The following LAMA2 variants were observed in gnomAD, a reference collection of about 807,000 sequenced individuals.
The protein encoded by LAMA2 is laminin subunit alpha 2, also known as laminin subunit alpha-2.
Under a neutral mutation model 364.8 loss-of-function variants are expected in LAMA2, and 269 were observed. The ratio of observed to expected loss-of-function variants is 0.74; its 90% confidence interval spans 0.67 to 0.82. The LOEUF (loss-of-function observed/expected upper bound fraction) is 0.82, where lower values mean the gene tolerates loss of function less well. Ranked by LOEUF, LAMA2 falls within the 40% of genes least tolerant of loss-of-function variation. The pLI is 0.00. For missense variants in LAMA2, 3,807 were observed against 3,873.2 expected (o/e 0.98, Z 0.45); for synonymous variants, 1,379 against 1,370.6 (o/e 1.01, Z -0.14).
chr6:128,926,289 A>G (rs1281355084), intron 1 of LAMA2, among the ~76,000 whole-genome samples: 1 of 152,088 alleles, frequency 6.6e-6, no homozygotes, highest in Non-Finnish European at 1.5e-5. Context: ...CATGGTGGCA[A>G]TAGAGGTTAG....
chr6:129,494,190 G>A (rs1216342844), intron 58 of LAMA2, among the ~76,000 whole-genome samples: 1 of 152,100 alleles, frequency 6.6e-6, no homozygotes, highest in Non-Finnish European at 1.5e-5. Context: ...ACCAGTAATG[G>A]GTGGGCAATG....
At chr6:129,301,098 G>A (rs900383264) in intron 22 of LAMA2, among the ~76,000 whole-genome samples, 3 of 151,968 alleles carry the variant, frequency 2.0e-5, no homozygotes, top group Non-Finnish European at 4.4e-5. Context: ...TACAAGAGGG[G>A]TAAAAAGAAC....
intron 1 of LAMA2, among the ~76,000 whole-genome samples, chr6:129,040,144 T>C (rs1367125187): frequency 6.6e-6 from 1 of 152,196 alleles, no homozygotes; most frequent in Non-Finnish European, 1.5e-5. Context: ...CATTTTCTGG[T>C]TTCTGTGGAG....
At chr6:128,988,238 C>T (rs754780530) in intron 1 of LAMA2, among the ~76,000 whole-genome samples, 47 of 152,144 alleles carry the variant, frequency 3.1e-4, no homozygotes, top group African/African-American at 6.0e-4. Flanking sequence ...AGTTATTTGA[C>T]GAGAACATAC....
At chr6:129,353,549 C>A (rs181560443) in intron 32 of LAMA2, among the ~76,000 whole-genome samples, 192 bp downstream of exon 32, 2 of 151,786 alleles carry the variant, frequency 1.3e-5, no homozygotes, top group East Asian at 3.9e-4. Flanking sequence ...TCCTGCTGAG[C>A]CAAGAACAGC....
chr6:129,274,120 CTTTTACATTTAAAACAA>C (rs146235379), intron 17 of LAMA2, among the ~76,000 whole-genome samples: 146,748 of 148,504 alleles, frequency 0.99, 72,544 homozygotes, highest in Middle Eastern at 1. Flanking sequence ...GTTATAATGT[CTTTTACATTTAAAACAA>C]TTTTACATTT....
rs1787076135 is a variant in LAMA2 at position 129,516,332 on chromosome 6, A to G, written c.9354A>G (p.Ser3118=). 1 of 1,614,082 alleles carries G rather than the reference A, an allele frequency of 6.2e-7. No individual in the cohort carries two copies. The highest frequency in any genetic ancestry group is 1.1e-5 in the South Asian group (1 of 91,086). ...AACTGAGGGGCGTTCAACCTGTATC[A>G]TGCCCAGCCAACTAATAAAAATAAG... ...ALELRGVQPV[S]CPAN is the part of the protein sequence containing the mutation. The change falls in exon 65 of 65, where the codon TCA becomes TCG. Residue 3118 remains serine, a synonymous_variant. Coordinates refer to ENST00000421865, the MANE Select transcript of LAMA2 (RefSeq NM_000426.4).
intron 1 of LAMA2, among the ~76,000 whole-genome samples, chr6:128,931,270 A>G (rs536926783): frequency 6.6e-6 from 1 of 152,300 alleles, no homozygotes; most frequent in East Asian, 1.9e-4. Flanking sequence ...TTCCCAAATG[A>G]TTTTGAGTCT....
intron 4 of LAMA2, among the ~76,000 whole-genome samples, chr6:129,142,088 T>A (rs2114955876): frequency 6.6e-6 from 1 of 152,194 alleles, no homozygotes; most frequent in African/African-American, 2.4e-5. Context: ...ATTATGCAGA[T>A]ATACAATTTA....
Position 129,481,334 on chromosome 6 carries a change from A to T in LAMA2, c.7644A>T (p.Thr2548=), listed in dbSNP as rs776393787. 8.1e-6 allele frequency: 13 copies of T among 1,613,852 alleles called. No homozygotes were observed. The highest frequency in any genetic ancestry group is 1.3e-5 in the African/African-American group (1 of 74,908). ...ELSPVPIDVG[T]EINLSFSTKN... The stretch of plus-strand genomic sequence containing the variant: ...CCCCTGTGCCAATTGATGTAGGAAC[A>T]GAAATCAACCTGTCATTCAGCACCA... The change falls in exon 55 of 65, where the codon ACA becomes ACT. Residue 2548 remains threonine, a synonymous_variant. Transcript: ENST00000421865.
chr6:129,277,445 C>T, intron 17 of LAMA2, among the ~76,000 whole-genome samples: 1 of 152,124 alleles, frequency 6.6e-6, no homozygotes, highest in Middle Eastern at 3.2e-3. Context: ...AGTGAATCTT[C>T]AGTTTATGTT....
intron 1 of LAMA2, among the ~76,000 whole-genome samples, chr6:129,043,298 G>T (rs990852295): frequency 4.8e-4 from 73 of 152,124 alleles, no homozygotes; most frequent in African/African-American, 1.6e-3. Context: ...ACAAACATAT[G>T]CAATGATGTG....
chr6:129,442,580 C>T (rs909127619), intron 43 of LAMA2, among the ~76,000 whole-genome samples: 1 of 151,988 alleles, frequency 6.6e-6, no homozygotes, highest in Non-Finnish European at 1.5e-5. Context: ...CATAGGTAAA[C>T]CTGTGTCATG....
intron 1 of LAMA2, among the ~76,000 whole-genome samples, chr6:129,017,673 A>C (rs1342218148): frequency 6.6e-6 from 1 of 152,106 alleles, no homozygotes; most frequent in African/African-American, 2.4e-5. Flanking sequence ...ACATGGTGAC[A>C]TGGCTGATGA....
At chr6:129,026,779 C>T (rs1042275683) in intron 1 of LAMA2, among the ~76,000 whole-genome samples, 1 of 152,076 alleles carries the variant, frequency 6.6e-6, no homozygotes, top group African/African-American at 2.4e-5. Context: ...TATAGAATAG[C>T]ATCAAATTGA....
chr6:129,106,870 A>AT (rs1238869925), intron 4 of LAMA2, among the ~76,000 whole-genome samples: 22 of 138,364 alleles, frequency 1.6e-4, no homozygotes, highest in Middle Eastern at 3.6e-3. Flanking sequence ...CCAAAAAAAA[A>AT]AAAAAATATA....
At chr6:129,254,361 T>C (rs147016855) in intron 14 of LAMA2, among the ~76,000 whole-genome samples, 27 of 152,350 alleles carry the variant, frequency 1.8e-4, no homozygotes, top group African/African-American at 6.0e-4. Flanking sequence ...AACATAAGTA[T>C]GGCTTTGACC....
intron 54 of LAMA2, among the ~76,000 whole-genome samples, chr6:129,479,137 T>C (rs1784230848): frequency 6.6e-6 from 1 of 152,216 alleles, no homozygotes; most frequent in Non-Finnish European, 1.5e-5. Context: ...ATTTTAAATT[T>C]ATTTTACTTT....
intron 58 of LAMA2, among the ~76,000 whole-genome samples, chr6:129,495,898 A>C (rs905741623): frequency 2.0e-5 from 3 of 151,464 alleles, no homozygotes; most frequent in Non-Finnish European, 2.9e-5. Flanking sequence ...TGTATGTTTT[A>C]ACTTTTCCGA....
Sources: gnomAD v4.1 joint callset for allele counts (sites outside exome capture counted in the v4.1 genomes callset) on GRCh38, gnomAD v4.1.1 for gene constraint, MANE v1.5 for transcripts, NCBI Gene and HGNC (gene_info 2026-07-23, HGNC 2026-07-21) for gene names.